Variants in RAB7A observed in about 807,000 individuals in gnomAD.
The protein encoded by RAB7A is RAB7A, member RAS oncogene family, also known as ras-related protein Rab-7a.
RAB7A carries 2 observed loss-of-function variants against 24.5 expected under a neutral mutation model. The ratio of observed to expected loss-of-function variants is 0.08; its 90% CI spans 0.03 to 0.26. RAB7A has a LOEUF of 0.26. RAB7A is among the 10% of genes least tolerant of loss of function. The pLI is 1.00. For missense variants in RAB7A, 118 were observed against 255.7 expected (o/e 0.46, Z 3.67); for synonymous variants, 100 against 95.9 (o/e 1.04, Z -0.25).
chr3:128,781,876 G>A (rs767795554), intron 1 of RAB7A, among the ~76,000 whole-genome samples: 11 of 152,084 alleles, frequency 7.2e-5, no homozygotes, highest in Non-Finnish European at 1.0e-4. Flanking sequence ...AGTTGGGTGC[G>A]GTGGCACGTG....
chr3:128,781,749 G>T (rs1040465951), intron 1 of RAB7A, among the ~76,000 whole-genome samples: 2 of 150,178 alleles, frequency 1.3e-5, no homozygotes, highest in Non-Finnish European at 3.0e-5. Context: ...GGGCACGGTG[G>T]CTTACTGTAA....
At chr3:128,758,687 C>T (rs1247521063) in intron 1 of RAB7A, among the ~76,000 whole-genome samples, 1 of 152,118 alleles carries the variant, frequency 6.6e-6, no homozygotes, top group African/African-American at 2.4e-5. Context: ...GGCAAGCATG[C>T]TTCTGTCTCT....
intron 1 of RAB7A, among the ~76,000 whole-genome samples, chr3:128,740,666 T>C (rs1576270276): frequency 6.6e-6 from 1 of 150,882 alleles, no homozygotes; most frequent in East Asian, 1.9e-4. Flanking sequence ...GAGGCCAAGG[T>C]GGGAGGATCG....
At chr3:128,791,812 C>A (rs914215500) in intron 1 of RAB7A, among the ~76,000 whole-genome samples, 1 of 152,192 alleles carries the variant, frequency 6.6e-6, no homozygotes, top group African/African-American at 2.4e-5. Flanking sequence ...TCGGCACAGT[C>A]TCCCTGTGCC....
intron 1 of RAB7A, among the ~76,000 whole-genome samples, chr3:128,779,350 G>T (rs1933163997): frequency 6.6e-6 from 1 of 151,830 alleles, no homozygotes; most frequent in Non-Finnish European, 1.5e-5. Context: ...AAAGGTTGCA[G>T]TGAGCCGAGA....
chr3:128,747,140 CA>C lies in RAB7A; in HGVS notation c.-9+20788del, dbSNP rs1453243259. Among the ~76,000 whole-genome samples, 4 of 150,914 alleles carry C rather than the reference CA, an allele frequency of 2.7e-5. 1 individual carries two copies. Among genetic ancestry groups the C allele is most frequent in the African/African-American group, 9.9e-5 (4 of 40,540 alleles). On this transcript the variant is annotated intron_variant, in intron 1 of 5. Coordinates refer to ENST00000265062, the MANE Select transcript of RAB7A (RefSeq NM_004637.6). ...GCAACATAGCAATACTCTATCTCTA[CA>C]AAAAAATAGGCTTGTTGGTGTATAT...
chr3:128,761,842 A>G (rs886066604), intron 1 of RAB7A, among the ~76,000 whole-genome samples: 4 of 152,248 alleles, frequency 2.6e-5, no homozygotes, highest in African/African-American at 4.8e-5. Flanking sequence ...ATTACTGAAA[A>G]GCAACCGAGC....
intron 1 of RAB7A, among the ~76,000 whole-genome samples, chr3:128,789,205 C>T (rs1429818255): frequency 6.6e-6 from 1 of 152,086 alleles, no homozygotes; most frequent in Non-Finnish European, 1.5e-5. Context: ...AGGACCAGGT[C>T]TCAGAGATCT....
At chr3:128,795,746 A>AAG (rs1559794772) in intron 2 of RAB7A, among the ~76,000 whole-genome samples, 2 of 18,458 alleles carry the variant, frequency 1.1e-4, no homozygotes, top group East Asian at 4.6e-3. Context: ...GGCGTAGCAG[A>AAG]TGTGCTTTTT....
At chr3:128,735,984 C>T (rs1488329969) in intron 1 of RAB7A, among the ~76,000 whole-genome samples, 3 of 152,176 alleles carry the variant, frequency 2.0e-5, no homozygotes, top group African/African-American at 7.2e-5. Context: ...GAGTGAAGTC[C>T]TCTTCACAAG....
intron 4 of RAB7A, 135 bp from the exon 5 acceptor site, chr3:128,807,408 A>G (rs1933827708): frequency 3.0e-6 from 4 of 1,348,700 alleles, no homozygotes; most frequent in Non-Finnish European, 4.2e-6. Flanking sequence ...GTCTCCTCCA[A>G]CACCCTCTTT....
intron 1 of RAB7A, among the ~76,000 whole-genome samples, chr3:128,763,208 A>ATATAT (rs373993932): frequency 9.2e-5 from 7 of 76,060 alleles, no homozygotes; most frequent in African/African-American, 3.3e-4. Context: ...ATATATATAT[A>ATATAT]TTTTTTTTTT....
chr3:128,813,267 A>G lies in RAB7A; in HGVS notation c.529-60A>G, dbSNP rs544445976. 4.3e-5 allele frequency: 64 copies of G among 1,500,130 alleles called. No individual in the cohort carries two copies. In the Middle Eastern group the frequency reaches 7.0e-4, roughly 16 times the overall value. 92.9% of individuals were successfully genotyped at this position (1,500,130 alleles called of 1,614,324 possible). A position where few individuals can be genotyped will look rare whatever the true frequency, so the allele number is the denominator to read the frequency against. On this transcript the variant is annotated intron_variant, in intron 5 of 5. Transcript: ENST00000265062. Reference sequence around the variant, plus strand: ...CCCTCCTGGGCAGAAAGTGCCCGCAATGAGGGCTGAAATGTTTCTATTCCC... The same window carrying G: ...CCCTCCTGGGCAGAAAGTGCCCGCAGTGAGGGCTGAAATGTTTCTATTCCC...
At chr3:128,731,697 A>G (rs2070438370) in intron 1 of RAB7A, among the ~76,000 whole-genome samples, 1 of 152,022 alleles carries the variant, frequency 6.6e-6, no homozygotes, top group African/African-American at 2.4e-5. Flanking sequence ...AGACCACGAC[A>G]TTTCACCCCT....
At chr3:128,774,260 C>T (rs753424285) in intron 1 of RAB7A, among the ~76,000 whole-genome samples, 1 of 150,506 alleles carries the variant, frequency 6.6e-6, no homozygotes, top group African/African-American at 2.4e-5. Context: ...CAGTCTGACT[C>T]CCCTAGGAGT....
chr3:128,798,658 T>TC lies in RAB7A; in HGVS notation c.180+594dup, dbSNP rs750853535. Among the ~76,000 whole-genome samples the TC allele has an allele frequency of 2.2e-4, 33 of 151,940 alleles. 2 individuals are homozygous for TC. Among genetic ancestry groups the TC allele is most frequent in the South Asian group, 1.0e-3 (5 of 4,816 alleles). ...GCTATAAACTATTATTCCCTTTTTT[T>TC]CCCCCATTGAGTCATTTTGTTTGTA... On this transcript the variant is annotated intron_variant, in intron 3 of 5. Coordinates refer to ENST00000265062, the MANE Select transcript of RAB7A (RefSeq NM_004637.6).
rs1413576520 is a variant in RAB7A at position 128,758,749 on chromosome 3, A to C, written c.-9+32390A>C. On this transcript the variant is annotated intron_variant, in intron 1 of 5. Coordinates refer to ENST00000265062, the MANE Select transcript of RAB7A (RefSeq NM_004637.6). The stretch of plus-strand genomic sequence containing the variant: ...TAAAAGGGTTTGGAGTATATCAATG[A>C]TATTCTGGTTGTGGACAGAACTCTT... 5.3e-5 allele frequency among the ~76,000 whole-genome samples: 8 copies of C among 152,244 alleles called. No homozygotes were observed. In the East Asian group the frequency reaches 1.5e-3, roughly 29 times the overall value.
chr3:128,735,554 G>A (rs543693501), intron 1 of RAB7A, among the ~76,000 whole-genome samples: 100 of 152,314 alleles, frequency 6.6e-4, no homozygotes, highest in Non-Finnish European at 1.2e-3. Flanking sequence ...AGAGCTTAGT[G>A]GGCTAGGATT....
At chr3:128,730,248 T>A (rs920361726) in intron 1 of RAB7A, among the ~76,000 whole-genome samples, 1 of 151,886 alleles carries the variant, frequency 6.6e-6, no homozygotes, top group African/African-American at 2.4e-5. Context: ...TTTTTTTTTT[T>A]AGACGGAATC....
Sources: allele counts gnomAD v4.1 joint callset (sites outside exome capture counted in the v4.1 genomes callset), GRCh38; gene constraint gnomAD v4.1.1; transcripts MANE v1.5; gene names NCBI Gene and HGNC (gene_info 2026-07-23, HGNC 2026-07-21).